FAM237A: variants seen among roughly 807,000 people sequenced by gnomAD.
The protein encoded by FAM237A is family with sequence similarity 237 member A, also known as protein FAM237A.
In FAM237A, 14 loss-of-function variants were observed where a neutral mutation model predicts 12.5. The ratio of observed to expected loss-of-function variants is 1.12; its 90% CI spans 0.74 to 1.75. The LOEUF is 1.75. FAM237A is among the 40% of genes most tolerant of loss of function. The pLI, the probability that FAM237A is intolerant of heterozygous loss-of-function variation, is 0.00. For synonymous variants in FAM237A, 85 were observed against 77.5 expected, an observed-to-expected ratio of 1.10 and a Z score of -0.51; for missense variants, 240 against 211.7, an observed-to-expected ratio of 1.13 and a Z score of -0.83.
chr2:206,645,088 G>A (rs1234511292), intron 2 of FAM237A, among the ~76,000 whole-genome samples: 2 of 152,292 alleles, frequency 1.3e-5, no homozygotes, highest in African/African-American at 4.8e-5. Context: ...TCTTGCCCTT[G>A]TTAAACTGAA....
chr2:206,643,747 T>A (rs1699282054), intron 1 of FAM237A, among the ~76,000 whole-genome samples: 1 of 152,192 alleles, frequency 6.6e-6, no homozygotes, highest in African/African-American at 2.4e-5. Flanking sequence ...TCTGATGTAT[T>A]TTTTAAAAAA....
chr2:206,644,208 A>G lies in FAM237A; in HGVS notation c.-10-19A>G, dbSNP rs754253097. Reference sequence around the variant, plus strand: ...GAGCACAAGCGGGGACTGATAAGAAATATTTCCATCCTGTGCAGTTTTAGG... The same window carrying G: ...GAGCACAAGCGGGGACTGATAAGAAGTATTTCCATCCTGTGCAGTTTTAGG... On this transcript the variant is annotated intron_variant, in intron 1 of 2. Transcript: ENST00000441223. The G allele has an allele frequency of 6.5e-7, 1 of 1,547,554 alleles. No individual in the cohort carries two copies. The highest frequency in any genetic ancestry group is 8.7e-7 in the Non-Finnish European group (1 of 1,149,020).
At chr2:206,647,666 C>CAG (rs371773298) in intron 2 of FAM237A, among the ~76,000 whole-genome samples, 45 of 148,366 alleles carry the variant, frequency 3.0e-4, no homozygotes, top group South Asian at 1.3e-3. Flanking sequence ...CACACACACA[C>CAG]AGAGAGAGTG....
intron 2 of FAM237A, among the ~76,000 whole-genome samples, chr2:206,646,927 C>T (rs1270071495): frequency 6.6e-6 from 1 of 152,090 alleles, no homozygotes; most frequent in African/African-American, 2.4e-5. Flanking sequence ...TCAAGGAAAT[C>T]ACATCATCAA....
chr2:206,648,777 G>T lies in FAM237A; in HGVS notation c.529G>T (p.Glu177Ter). 2 of 1,533,378 alleles carry T rather than the reference G, an allele frequency of 1.3e-6. No homozygotes were observed. Among genetic ancestry groups the T allele is most frequent in the Non-Finnish European group, 1.8e-6 (2 of 1,138,836 alleles). 95.0% of individuals were successfully genotyped at this position (1,533,378 alleles called of 1,614,324 possible). The change falls in exon 3 of 3, where the codon GAA becomes TAA. Residue 177 changes from glutamate (E) to a stop codon, truncating the protein, a stop_gained. Coordinates refer to ENST00000441223, the MANE Select transcript of FAM237A (RefSeq NM_001102659.3). LOFTEE classifies it high-confidence loss of function. ...GSSVIGKVNL[E>*]IKRK Reference sequence around the variant, plus strand: ...TAGTGTCATTGGAAAAGTGAACCTGGAAATAAAGAGAAAATAAATTGAACT... The same window carrying T: ...TAGTGTCATTGGAAAAGTGAACCTGTAAATAAAGAGAAAATAAATTGAACT...
chr2:206,645,289 G>C (rs1233507960), intron 2 of FAM237A, among the ~76,000 whole-genome samples: 2 of 152,156 alleles, frequency 1.3e-5, no homozygotes, highest in Non-Finnish European at 2.9e-5. Context: ...TACAAATTTA[G>C]AGTTTTTCAT....
Position 206,648,722 on chromosome 2 carries a change from G to C in FAM237A, c.474G>C (p.Leu158Phe), listed in dbSNP as rs767917614. The stretch of plus-strand genomic sequence containing the variant: ...AGAAGAAAGAGTTGATTGAAGATTT[G>C]ATAAGCATGCATGTGCGTAGGAGTG... ...FLKKKELIED[L>F]ISMHVRRSGS... Residue 158 changes from leucine to phenylalanine, a missense_variant, in exon 3 of 3, where the codon TTG becomes TTC. Transcript: ENST00000441223. 2 of 1,583,804 alleles carry C rather than the reference G, an allele frequency of 1.3e-6. No individual in the cohort carries two copies. The highest frequency in any genetic ancestry group is 2.3e-5 in the South Asian group (2 of 86,642).
intron 2 of FAM237A, among the ~76,000 whole-genome samples, chr2:206,647,839 C>T (rs899664648): frequency 1.3e-5 from 2 of 152,090 alleles, no homozygotes; most frequent in African/African-American, 4.8e-5. Flanking sequence ...CCTTGCTCTG[C>T]CACTGGGAGG....
In FAM237A at chr2:206,642,799, C is replaced by T. The variant is rs1419434826; in HGVS notation, c.-11+217C>T. Among the ~76,000 whole-genome samples, 2 of 152,336 alleles carry T rather than the reference C, an allele frequency of 1.3e-5. No individual in the cohort carries two copies. Among genetic ancestry groups the T allele is most frequent in the East Asian group, 1.9e-4 (1 of 5,172 alleles). The stretch of plus-strand genomic sequence containing the variant: ...GACCTAAAGGAGCCAATTTGAGCGC[C>T]GTGGCGCCAGCAGACAGGGAGTCCC... On this transcript the variant is annotated intron_variant, in intron 1 of 2. Coordinates refer to ENST00000441223, the MANE Select transcript of FAM237A (RefSeq NM_001102659.3). This position sits in a 1 kb window ranked among gnomAD's most constrained non-coding sequence, Gnocchi z 5.1.
intron 2 of FAM237A, 145 bp from the exon 3 acceptor site, chr2:206,648,516 A>G (rs1326310933): frequency 1.3e-6 from 1 of 766,292 alleles, no homozygotes; most frequent in Non-Finnish European, 2.0e-6. Flanking sequence ...ACACTTACAT[A>G]TATTCCTCTG....
intron 2 of FAM237A, 77 bp from the exon 3 acceptor site, chr2:206,648,584 T>C: frequency 7.1e-7 from 1 of 1,418,408 alleles, no homozygotes; most frequent in South Asian, 1.4e-5. Context: ...ACCTGCCTTT[T>C]AAAGATAATT....
At chr2:206,648,121 G>A (rs1699340222) in intron 2 of FAM237A, among the ~76,000 whole-genome samples, 1 of 152,050 alleles carries the variant, frequency 6.6e-6, no homozygotes, top group African/African-American at 2.4e-5. Context: ...CACATACTCA[G>A]CAATTACCCA....
chr2:206,648,559 T>G, intron 2 of FAM237A, 102 bp from the exon 3 acceptor site: 2 of 1,138,026 alleles, frequency 1.8e-6, no homozygotes, highest in Non-Finnish European at 2.4e-6. Flanking sequence ...GATATTGGAG[T>G]GGCAGAAACA....
At chr2:206,647,865 T>A (rs977457721) in intron 2 of FAM237A, among the ~76,000 whole-genome samples, 1 of 152,204 alleles carries the variant, frequency 6.6e-6, no homozygotes, top group Non-Finnish European at 1.5e-5. Flanking sequence ...AAAGCCTGCC[T>A]TCCTGAGCCT....
chr2:206,644,658 C>T lies in FAM237A; in HGVS notation c.412+10C>T. 3.9e-6 allele frequency: 6 copies of T among 1,539,050 alleles called. No homozygotes were observed. The highest frequency in any genetic ancestry group is 5.2e-6 in the Non-Finnish European group (6 of 1,147,796). ...ACAAGGAGTAAACAAGGTGGTCAAC[C>T]CCAGCTCCCATGTCTTTTGAAAGGG... On this transcript the variant is annotated intron_variant, in intron 2 of 2. Coordinates refer to ENST00000441223, the MANE Select transcript of FAM237A (RefSeq NM_001102659.3).
Position 206,648,702 on chromosome 2 carries a change from A to G in FAM237A, c.454A>G (p.Lys152Glu), listed in dbSNP as rs567948443. The G allele has an allele frequency of 1.3e-4, 210 of 1,592,582 alleles. 2 individuals are homozygous for G. The East Asian group carries it at 4.7e-3, about 35-fold the overall frequency. ...CCTAAGGACCTCCTTCCTAAAGAAGAAAGAGTTGATTGAAGATTTGATAAG... is the reference window on the plus strand; with the variant it reads ...CCTAAGGACCTCCTTCCTAAAGAAGGAAGAGTTGATTGAAGATTTGATAAG... ...QLLRTSFLKK[K>E]ELIEDLISMH... Residue 152 changes from lysine to glutamate, a missense_variant, in exon 3 of 3, where the codon AAA becomes GAA. By Grantham distance (56) the Lys-to-Glu change is moderately conservative. Coordinates refer to ENST00000441223, the MANE Select transcript of FAM237A (RefSeq NM_001102659.3).
At chr2:206,645,237 G>T (rs551586989) in intron 2 of FAM237A, among the ~76,000 whole-genome samples, 25 of 152,178 alleles carry the variant, frequency 1.6e-4, no homozygotes, top group Non-Finnish European at 2.9e-4. Context: ...TAATTAACTT[G>T]CAGCAATCTG....
chr2:206,648,092 T>C (rs1305438694), intron 2 of FAM237A, among the ~76,000 whole-genome samples: 2 of 152,072 alleles, frequency 1.3e-5, no homozygotes, highest in African/African-American at 4.8e-5. Context: ...CTTCACCCAC[T>C]CCAAGAAATT....
chr2:206,645,716 T>G (rs1045802369), intron 2 of FAM237A, among the ~76,000 whole-genome samples: 2 of 152,186 alleles, frequency 1.3e-5, no homozygotes, highest in Non-Finnish European at 2.9e-5. Flanking sequence ...ATCCTCATGA[T>G]TTGCTAATCC....
Sources: allele counts gnomAD v4.1 joint callset (sites outside exome capture counted in the v4.1 genomes callset), GRCh38; gene constraint gnomAD v4.1.1; non-coding constraint Gnocchi (gnomAD v3.1); transcripts MANE v1.5; gene names NCBI Gene and HGNC (gene_info 2026-07-23, HGNC 2026-07-21).